Variants in ALDH6A1 observed in about 807,000 individuals in gnomAD.
The protein encoded by ALDH6A1 is methylmalonate-semialdehyde/malonate-semialdehyde dehydrogenase [acylating], mitochondrial.
In ALDH6A1, 43 loss-of-function variants were observed where a neutral mutation model predicts 62.6. The observed-to-expected ratio is 0.69, with a 90% CI of 0.54 to 0.89. The LOEUF (loss-of-function observed/expected upper bound fraction) is 0.89. Ranked by LOEUF, ALDH6A1 falls within the 40% of genes least tolerant of loss-of-function variation. ALDH6A1 has a pLI of 0.00. For synonymous variants in ALDH6A1, 194 were observed against 234.2 expected, an observed-to-expected ratio of 0.83 and a Z score of 1.57; for missense variants, 551 against 661.3, an observed-to-expected ratio of 0.83 and a Z score of 1.83.
At chr14:74,071,523 G>C in intron 5 of ALDH6A1, 26 bp from the exon 6 acceptor site, 1 of 1,613,076 alleles carries the variant, frequency 6.2e-7, no homozygotes, top group Non-Finnish European at 8.5e-7. Context: ...CAGGCCATCA[G>C]CTCTCCACAC....
At chr14:74,065,472 T>C in intron 9 of ALDH6A1, 112 bp from the exon 10 acceptor site, 2 of 964,786 alleles carry the variant, frequency 2.1e-6, no homozygotes, top group Non-Finnish European at 3.2e-6. Flanking sequence ...AACTTTCATA[T>C]TACTAATCTC....
chr14:74,084,253 C>T, intron 1 of ALDH6A1, 94 bp downstream of exon 1: 1 of 1,583,516 alleles, frequency 6.3e-7, no homozygotes, highest in Non-Finnish European at 8.6e-7. Context: ...AGGGGTTGGG[C>T]CAAGAAGGTG....
At chr14:74,070,933 T>G in intron 6 of ALDH6A1, 1 of 478,218 alleles carries the variant, frequency 2.1e-6, no homozygotes, top group Non-Finnish European at 3.8e-6. Context: ...GAAAAAAGTT[T>G]CTTTTTAATC....
At chr14:74,065,025 T>C in intron 10 of ALDH6A1, 105 bp from the exon 11 acceptor site, 2 of 1,365,168 alleles carry the variant, frequency 1.5e-6, no homozygotes, top group Non-Finnish European at 2.1e-6. Flanking sequence ...TTCTACCCTA[T>C]CCTCTACCCC....
intron 2 of ALDH6A1, among the ~76,000 whole-genome samples, chr14:74,073,712 T>G (rs1029676257): frequency 4.6e-5 from 7 of 151,624 alleles, no homozygotes; most frequent in Non-Finnish European, 1.0e-4. Context: ...AAGTCAGGAG[T>G]TCTAGACCAA....
chr14:74,076,996 T>C (rs1185469353), intron 1 of ALDH6A1, among the ~76,000 whole-genome samples: 2 of 152,224 alleles, frequency 1.3e-5, no homozygotes, highest in Admixed American at 6.5e-5. Flanking sequence ...AACCAGAGTA[T>C]AGAGCTGCAT....
chr14:74,069,062 A>G (rs1400104698), intron 6 of ALDH6A1, 81 bp from the exon 7 acceptor site: 8 of 1,208,328 alleles, frequency 6.6e-6, no homozygotes, highest in African/African-American at 1.6e-5. Context: ...CCCCACTGCT[A>G]TGGATTTGAA....
chr14:74,057,257 C>T lies in ALDH6A1; in HGVS notation c.*3385G>A, dbSNP rs1023821718. On this transcript the variant is annotated 3_prime_UTR_variant, in exon 12 of 12. Coordinates refer to ENST00000553458, the MANE Select transcript of ALDH6A1 (RefSeq NM_005589.4). The stretch of plus-strand genomic sequence containing the variant: ...CCAAAAGAACCTCAGGAGTCTGACA[C>T]AGTAAGGAGTCTGTATCTAATCAAA... 6 of 1,613,974 alleles carry T rather than the reference C, an allele frequency of 3.7e-6. No individual in the cohort carries two copies. Among genetic ancestry groups the T allele is most frequent in the Non-Finnish European group, 5.1e-6 (6 of 1,179,978 alleles).
chr14:74,083,334 A>G (rs2060688820), intron 1 of ALDH6A1, among the ~76,000 whole-genome samples: 1 of 152,200 alleles, frequency 6.6e-6, no homozygotes, highest in Non-Finnish European at 1.5e-5. Context: ...CCTGCGGTAA[A>G]TCTTGCCACA....
At chr14:74,069,064 G>A in intron 6 of ALDH6A1, 83 bp from the exon 7 acceptor site, 4 of 1,344,986 alleles carry the variant, frequency 3.0e-6, no homozygotes, top group Non-Finnish European at 4.2e-6. Flanking sequence ...CCACTGCTAT[G>A]GATTTGAAGT....
At chr14:74,070,387 C>T (rs186924043) in intron 6 of ALDH6A1, among the ~76,000 whole-genome samples, 30 of 152,026 alleles carry the variant, frequency 2.0e-4, no homozygotes, top group East Asian at 3.9e-4. Flanking sequence ...GGCACGGTGG[C>T]GCATGCCTGT....
At chr14:74,079,149 C>T (rs936425689) in intron 1 of ALDH6A1, among the ~76,000 whole-genome samples, 26 of 151,696 alleles carry the variant, frequency 1.7e-4, no homozygotes, top group African/African-American at 5.4e-4. Context: ...ATTATCTTTA[C>T]CACATCTCTA....
At chr14:74,065,142 A>C (rs1332090608) in intron 10 of ALDH6A1, 39 bp downstream of exon 10, 1 of 1,608,444 alleles carries the variant, frequency 6.2e-7, no homozygotes. Context: ...GGAAATAGTA[A>C]ATGGATATAA....
intron 1 of ALDH6A1, among the ~76,000 whole-genome samples, chr14:74,083,615 C>G (rs529412710): frequency 6.6e-6 from 1 of 152,334 alleles, no homozygotes; most frequent in Admixed American, 6.5e-5. Flanking sequence ...ATGGAACATA[C>G]TGGTAGCTTT....
At chr14:74,084,311 C>T in intron 1 of ALDH6A1, 36 bp downstream of exon 1, 2 of 1,613,626 alleles carry the variant, frequency 1.2e-6, no homozygotes, top group Non-Finnish European at 1.7e-6. Context: ...GATCCAATTC[C>T]TAGCTTCATG....
Position 74,057,015 on chromosome 14 carries a change from C to A in ALDH6A1, c.*3627G>T, listed in dbSNP as rs755369881. 6.3e-7 allele frequency: 1 copy of A among 1,590,144 alleles called. No homozygotes were observed. Among genetic ancestry groups the A allele is most frequent in the Non-Finnish European group, 8.6e-7 (1 of 1,161,202 alleles). Reference sequence around the variant, plus strand: ...CTCTTGCTTAAGTAATAAACATGAGCCCAACACGATGGTTCTTGTGGGCAT... The same window carrying A: ...CTCTTGCTTAAGTAATAAACATGAGACCAACACGATGGTTCTTGTGGGCAT... On this transcript the variant is annotated 3_prime_UTR_variant, in exon 12 of 12. Transcript: ENST00000553458.
At position 74,072,613 on chromosome 14, in the gene ALDH6A1, TG is replaced by T; in HGVS notation, c.112-3del. On this transcript the variant is annotated splice_polypyrimidine_tract_variant and splice_region_variant and intron_variant, in intron 2 of 11. Coordinates refer to ENST00000553458, the MANE Select transcript of ALDH6A1 (RefSeq NM_005589.4). ...ACCAATGAAGAGCTTTACAGTTGGC[TG>T]AAAAAAACAAACAAACAAACAAACA... 6.2e-7 allele frequency: 1 copy of T among 1,612,460 alleles called. No individual in the cohort carries two copies. The highest frequency in any genetic ancestry group is 1.1e-5 in the South Asian group (1 of 91,050).
chr14:74,083,490 T>A (rs1488577484), intron 1 of ALDH6A1, among the ~76,000 whole-genome samples: 6 of 150,368 alleles, frequency 4.0e-5, no homozygotes, highest in Non-Finnish European at 1.5e-5. Context: ...AGTGCAGAGA[T>A]GAGGGTGTGT....
Position 74,057,319 on chromosome 14 carries a change from C to T in ALDH6A1, c.*3323G>A. On this transcript the variant is annotated 3_prime_UTR_variant, in exon 12 of 12. Coordinates refer to ENST00000553458, the MANE Select transcript of ALDH6A1 (RefSeq NM_005589.4). ...GTTGTCACCCTTCCCCATGTCGCTT[C>T]TTGCTAAATCACGGTTATTTTCTCT... The T allele has an allele frequency of 6.2e-7, 1 of 1,608,552 alleles. No homozygotes were observed. The highest frequency in any genetic ancestry group is 8.5e-7 in the Non-Finnish European group (1 of 1,177,214).
Sources: allele counts gnomAD v4.1 joint callset (sites outside exome capture counted in the v4.1 genomes callset), GRCh38; gene constraint gnomAD v4.1.1; transcripts MANE v1.5; gene names NCBI Gene and HGNC (gene_info 2026-07-23, HGNC 2026-07-21).